The following RYR2 variants were observed in gnomAD, a reference collection of about 807,000 sequenced individuals.
RYR2 encodes the protein cardiac muscle ryanodine receptor-calcium release channel.
RYR2 carries 227 observed loss-of-function variants against 601.1 expected under a neutral mutation model. The ratio of observed to expected loss-of-function variants is 0.38; its 90% CI spans 0.34 to 0.42. The LOEUF (loss-of-function observed/expected upper bound fraction) is 0.42. Ranked by LOEUF, RYR2 falls within the 10% of genes least tolerant of loss-of-function variation. RYR2 has a pLI of 1.00. For synonymous variants in RYR2, 2,223 were observed against 2,175.1 expected (o/e 1.02, Z -0.61); for missense variants, 4,646 against 6,156.5 (o/e 0.75, Z 8.21).
chr1:237,353,897 T>C (rs1340202461), intron 3 of RYR2, among the ~76,000 whole-genome samples: 1 of 152,186 alleles, frequency 6.6e-6, no homozygotes, highest in Non-Finnish European at 1.5e-5. Context: ...AATTCTAAAA[T>C]TGGTTAAGTT....
chr1:237,805,662 T>G (rs562185422), intron 98 of RYR2, among the ~76,000 whole-genome samples: 4 of 150,662 alleles, frequency 2.7e-5, no homozygotes, highest in African/African-American at 9.8e-5. Flanking sequence ...AAATCAGAGT[T>G]ACTTTTTAAT....
chr1:237,132,113 T>C (rs2148707685), intron 1 of RYR2, among the ~76,000 whole-genome samples: 1 of 152,362 alleles, frequency 6.6e-6, no homozygotes, highest in Admixed American at 6.5e-5. Flanking sequence ...GACTGTGTAA[T>C]TTCTGAAGCA....
chr1:237,288,677 C>T (rs1343670301), intron 2 of RYR2, among the ~76,000 whole-genome samples: 2 of 152,068 alleles, frequency 1.3e-5, no homozygotes, highest in African/African-American at 4.8e-5. Context: ...CAACAACAGC[C>T]CTGAGTCTGT....
chr1:237,635,303 G>A lies in RYR2; in HGVS notation c.6792+311G>A, dbSNP rs1243595211. On this transcript the variant is annotated intron_variant, in intron 44 of 104. Transcript: ENST00000366574. ...TGAAAAAATGAATTTTCTCTGATGA[G>A]AAACATTTTTCTATGGAAGGAGAAC... 2.0e-5 allele frequency among the ~76,000 whole-genome samples: 3 copies of A among 152,104 alleles called. No individual in the cohort carries two copies. In the East Asian group the frequency reaches 5.8e-4, roughly 29 times the overall value.
intron 101 of RYR2, among the ~76,000 whole-genome samples, chr1:237,826,854 A>G (rs1465796007): frequency 6.6e-6 from 1 of 152,158 alleles, no homozygotes; most frequent in African/African-American, 2.4e-5. Context: ...AGTCTAAGGA[A>G]CTTGGCCAAA....
In RYR2 at chr1:237,135,370, A is replaced by G. The variant is rs200242069; in HGVS notation, c.48+92801A>G. On this transcript the variant is annotated intron_variant, in intron 1 of 104. Transcript: ENST00000366574. The stretch of plus-strand genomic sequence containing the variant: ...GCATCCCCTTGTTGGTTTTTTTTTT[A>G]TTTTTCTTTTTTTTTTTGATACAGA... Among the ~76,000 whole-genome samples, 6 of 146,074 alleles carry G rather than the reference A, an allele frequency of 4.1e-5. No homozygotes were observed. In the East Asian group the frequency reaches 1.0e-3, roughly 25 times the overall value.
At chr1:237,749,521 G>T (rs1195422710) in intron 80 of RYR2, among the ~76,000 whole-genome samples, 1 of 151,996 alleles carries the variant, frequency 6.6e-6, no homozygotes, top group Non-Finnish European at 1.5e-5. Context: ...TTACAGTGTG[G>T]TGAACATAAA....
intron 37 of RYR2, among the ~76,000 whole-genome samples, chr1:237,615,553 A>G (rs1678371458): frequency 1.3e-5 from 2 of 152,084 alleles, no homozygotes; most frequent in Admixed American, 6.6e-5. Flanking sequence ...CAAGATGTCT[A>G]AAGGGTCCTT....
At chr1:237,462,910 T>C (rs983201897) in intron 16 of RYR2, among the ~76,000 whole-genome samples, 4 of 152,092 alleles carry the variant, frequency 2.6e-5, no homozygotes, top group African/African-American at 9.7e-5. Context: ...AATTTCAGCT[T>C]GGTGATAGTC....
chr1:237,718,568 G>GT, intron 73 of RYR2, 47 bp downstream of exon 73: 1 of 951,606 alleles, frequency 1.1e-6, no homozygotes. Flanking sequence ...CTATACATTA[G>GT]TTAATCTCTC....
chr1:237,744,213 A>G (rs1398490677), intron 80 of RYR2, among the ~76,000 whole-genome samples: 1 of 152,204 alleles, frequency 6.6e-6, no homozygotes, highest in Non-Finnish European at 1.5e-5. Flanking sequence ...TTGATATAGA[A>G]TTACAAAATT....
intron 42 of RYR2, among the ~76,000 whole-genome samples, chr1:237,631,794 AT>A (rs1281696995): frequency 8.7e-4 from 131 of 151,260 alleles, no homozygotes; most frequent in African/African-American, 1.9e-3. Flanking sequence ...CGCCCGGCTA[AT>A]TTTTTTGTGT....
intron 17 of RYR2, among the ~76,000 whole-genome samples, chr1:237,489,176 C>A (rs750500177): frequency 7.2e-5 from 11 of 152,074 alleles, no homozygotes; most frequent in African/African-American, 2.7e-4. Context: ...AATAACCCAA[C>A]GAGCAAAAGC....
At position 237,309,685 on chromosome 1, in the gene RYR2, C is replaced by T. The variant is rs556830012; in HGVS notation, c.169-21193C>T. On this transcript the variant is annotated intron_variant, in intron 2 of 104. Coordinates refer to ENST00000366574, the MANE Select transcript of RYR2 (RefSeq NM_001035.3). Reference sequence around the variant, plus strand: ...CCAGGCGCCATGGAGCAGGGGGCGGCGCTTGTCGGGGAGGCTCGGACACGC... The same window carrying T: ...CCAGGCGCCATGGAGCAGGGGGCGGTGCTTGTCGGGGAGGCTCGGACACGC... Among the ~76,000 whole-genome samples the T allele has an allele frequency of 2.0e-4, 30 of 152,150 alleles. 1 individual carries two copies. In the South Asian group the frequency reaches 4.1e-3, roughly 21 times the overall value.
In RYR2 at chr1:237,718,472, A is replaced by C. The variant is rs752421504; in HGVS notation, c.10505A>C (p.Glu3502Ala). ...AKNRFSLKDT[E>A]DEVRDIIRSN... ...TATATTTCTTGACAGAAAGATACCG[A>C]GGATGAAGTACGAGATATAATCCGC... The change falls in exon 73 of 105, where the codon GAG becomes GCG. Residue 3502 changes from glutamate (E) to alanine (A), a missense_variant. Coordinates refer to ENST00000366574, the MANE Select transcript of RYR2 (RefSeq NM_001035.3). 1.3e-6 allele frequency: 2 copies of C among 1,577,324 alleles called. No homozygotes were observed. Among genetic ancestry groups the C allele is most frequent in the Admixed American group, 3.4e-5 (2 of 59,594 alleles).
intron 84 of RYR2, among the ~76,000 whole-genome samples, chr1:237,766,753 C>A (rs184242375): frequency 3.3e-5 from 5 of 152,242 alleles, no homozygotes; most frequent in Admixed American, 3.3e-4. Flanking sequence ...TCCGCTCCAG[C>A]TAGTTTAATT....
intron 19 of RYR2, among the ~76,000 whole-genome samples, chr1:237,494,803 T>C (rs1392435088): frequency 1.3e-5 from 2 of 152,150 alleles, no homozygotes; most frequent in African/African-American, 4.8e-5. Context: ...ATGTGTTTTG[T>C]TTTTTGAGAC....
At chr1:237,469,925 GT>G (rs1340677678) in intron 17 of RYR2, among the ~76,000 whole-genome samples, 1 of 152,134 alleles carries the variant, frequency 6.6e-6, no homozygotes, top group Non-Finnish European at 1.5e-5. Flanking sequence ...AGACTTATCA[GT>G]GATTTTGGAC....
chr1:237,655,427 C>T (rs1683149792), intron 52 of RYR2, among the ~76,000 whole-genome samples: 1 of 151,938 alleles, frequency 6.6e-6, no homozygotes, highest in Non-Finnish European at 1.5e-5. Context: ...GAATGTTATG[C>T]TTTATGTTTT....
Sources: gnomAD v4.1 joint callset for allele counts (sites outside exome capture counted in the v4.1 genomes callset) on GRCh38, gnomAD v4.1.1 for gene constraint, MANE v1.5 for transcripts, NCBI Gene and HGNC (gene_info 2026-07-23, HGNC 2026-07-21) for gene names.